Variants in CIAO2A observed in about 807,000 individuals in gnomAD.
CIAO2A encodes MIP18 family protein FAM96A.
CIAO2A carries 17 observed loss-of-function variants against 22.4 expected under a neutral mutation model. The ratio of observed to expected loss-of-function variants is 0.76; its 90% CI spans 0.52 to 1.14. The LOEUF (loss-of-function observed/expected upper bound fraction) is 1.14, where lower values mean the gene tolerates loss of function less well. CIAO2A is among the 50% of genes most tolerant of loss of function. The pLI, the probability that CIAO2A is intolerant of heterozygous loss-of-function variation, is 0.00. For missense variants in CIAO2A, 192 were observed against 191.4 expected (o/e 1.00, Z -0.02); for synonymous variants, 74 against 72.3 (o/e 1.02, Z -0.12).
At chr15:64,086,966 C>T (rs1399050201) in intron 2 of CIAO2A, among the ~76,000 whole-genome samples, 3 of 149,904 alleles carry the variant, frequency 2.0e-5, no homozygotes, top group Non-Finnish European at 4.4e-5. Flanking sequence ...GGTTGGTGTG[C>T]AATGGCATGA....
At chr15:64,083,951 AT>A (rs2140111424) in intron 2 of CIAO2A, among the ~76,000 whole-genome samples, 1 of 152,062 alleles carries the variant, frequency 6.6e-6, no homozygotes, top group South Asian at 2.1e-4. Context: ...TCAAAAAAAA[AT>A]AAAATAAAAT....
At chr15:64,077,220 C>T (rs2080725750) in intron 3 of CIAO2A, among the ~76,000 whole-genome samples, 1 of 152,170 alleles carries the variant, frequency 6.6e-6, no homozygotes, top group African/African-American at 2.4e-5. Context: ...ATCCCTTGAA[C>T]CCGGGAGGTG....
At chr15:64,073,328 A>G (rs910395664) in intron 4 of CIAO2A, among the ~76,000 whole-genome samples, 1 of 152,152 alleles carries the variant, frequency 6.6e-6, no homozygotes, top group South Asian at 2.1e-4. Flanking sequence ...TTTTTCCCCC[A>G]TAAGCCTATA....
At chr15:64,078,816 G>A (rs1175304120) in intron 3 of CIAO2A, among the ~76,000 whole-genome samples, 2 of 152,038 alleles carry the variant, frequency 1.3e-5, no homozygotes, top group Non-Finnish European at 2.9e-5. Flanking sequence ...AACCAAGGCG[G>A]GAGGACTGCT....
intron 2 of CIAO2A, among the ~76,000 whole-genome samples, chr15:64,087,140 G>A (rs8033914): frequency 0.014 from 1,882 of 130,326 alleles, 36 homozygotes; most frequent in African/African-American, 0.042. Flanking sequence ...TGCCCAGGCT[G>A]GAGTGCAGTG....
chr15:64,082,130 T>A (rs759563694), intron 2 of CIAO2A, among the ~76,000 whole-genome samples: 47 of 152,226 alleles, frequency 3.1e-4, no homozygotes, highest in Non-Finnish European at 6.2e-4. Context: ...GTTTTCTAAG[T>A]ACCATTTGGT....
At position 64,073,041 on chromosome 15, in the gene CIAO2A, C is replaced by T. The variant is rs772820719; in HGVS notation, c.386-13G>A. 9 of 1,586,264 alleles carry T rather than the reference C, an allele frequency of 5.7e-6. No individual in the cohort carries two copies. In the Admixed American group the frequency reaches 1.2e-4, roughly 21 times the overall value. Reference sequence around the variant, plus strand: ...ATCTGCTTATTGACTGAAAAATACACAGACAAAAGTTAGCAGAAGAACTGT... The same window carrying T: ...ATCTGCTTATTGACTGAAAAATACATAGACAAAAGTTAGCAGAAGAACTGT... On this transcript the variant is annotated splice_polypyrimidine_tract_variant and intron_variant, in intron 4 of 4. Transcript: ENST00000300030.
At chr15:64,089,452 T>TTGAGG (rs2080822361) in intron 1 of CIAO2A, among the ~76,000 whole-genome samples, 1 of 151,096 alleles carries the variant, frequency 6.6e-6, no homozygotes, top group Admixed American at 6.6e-5. Flanking sequence ...GAGGCAGAGG[T>TTGAGG]TGAGAGCGGA....
intron 2 of CIAO2A, among the ~76,000 whole-genome samples, chr15:64,081,952 T>TA (rs2080762020): frequency 1.3e-5 from 2 of 152,228 alleles, no homozygotes; most frequent in Non-Finnish European, 2.9e-5. Context: ...TGTAATCCTT[T>TA]ATGCCTGCAA....
chr15:64,074,207 T>C (rs2080698502), intron 4 of CIAO2A: 3 of 152,242 alleles, frequency 2.0e-5, no homozygotes, highest in African/African-American at 7.2e-5. Flanking sequence ...GAGAGACGAC[T>C]ATATTCTTAA....
intron 3 of CIAO2A, among the ~76,000 whole-genome samples, chr15:64,076,040 G>A (rs956952106): frequency 6.6e-6 from 1 of 151,868 alleles, no homozygotes; most frequent in African/African-American, 2.4e-5. Context: ...GGACTGAAAT[G>A]AGTAGGATTT....
intron 3 of CIAO2A, among the ~76,000 whole-genome samples, chr15:64,078,549 T>C (rs2080735873): frequency 6.6e-6 from 1 of 150,456 alleles, no homozygotes; most frequent in African/African-American, 2.5e-5. Flanking sequence ...GGCAGGATAA[T>C]CGCTTGAACC....
At position 64,093,812 on chromosome 15, in the gene CIAO2A, C is replaced by T. The variant is rs75061678; in HGVS notation, c.-44G>A. On this transcript the variant is annotated 5_prime_UTR_variant, in exon 1 of 5. Transcript: ENST00000300030. ...CTGGCGACTGTCCCAATCGCGCCAC[C>T]GTCTCTCAGCAGCCTCGGGATTGAT... 1.9e-3 allele frequency: 3,094 copies of T among 1,595,768 alleles called. 53 individuals are homozygous for T. In the African/African-American group the frequency reaches 0.035, roughly 18 times the overall value.
In CIAO2A at chr15:64,086,895, G is replaced by A. The variant is rs183170131; in HGVS notation, c.289+1792C>T. Among the ~76,000 whole-genome samples, 280 of 151,314 alleles carry A rather than the reference G, an allele frequency of 1.9e-3. 5 individuals carry two copies. The highest frequency in any genetic ancestry group is 2.4e-3 in the Non-Finnish European group (165 of 67,844). On this transcript the variant is annotated intron_variant, in intron 2 of 4. Coordinates refer to ENST00000300030, the MANE Select transcript of CIAO2A (RefSeq NM_032231.7). ...CCCAAAGTGCTGGGATTACAGGTGT[G>A]AGCCGCCATGCCAATGGGAATTTTT...
intron 1 of CIAO2A, among the ~76,000 whole-genome samples, chr15:64,091,824 CGA>C (rs1377970144): frequency 1.3e-5 from 2 of 151,832 alleles, no homozygotes; most frequent in Non-Finnish European, 2.9e-5. Context: ...TTTGGGAGGC[CGA>C]GACAGGCAAA....
At chr15:64,091,887 C>T (rs999104374) in intron 1 of CIAO2A, among the ~76,000 whole-genome samples, 2 of 151,734 alleles carry the variant, frequency 1.3e-5, no homozygotes, top group African/African-American at 4.8e-5. Flanking sequence ...AGCAAAACCT[C>T]ATCTCTACAA....
chr15:64,092,717 C>T (rs528297810), intron 1 of CIAO2A, among the ~76,000 whole-genome samples: 1 of 152,334 alleles, frequency 6.6e-6, no homozygotes, highest in South Asian at 2.1e-4. Flanking sequence ...ACCAAATTAG[C>T]TCCCAGAGTA....
At chr15:64,080,991 A>G in intron 3 of CIAO2A, 111 bp downstream of exon 3, 5 of 1,068,746 alleles carry the variant, frequency 4.7e-6, no homozygotes, top group Non-Finnish European at 6.7e-6. Flanking sequence ...ACAGACAAGC[A>G]AAAACCACTG....
intron 3 of CIAO2A, 81 bp downstream of exon 3, chr15:64,081,021 C>A (rs570726598): frequency 1.5e-6 from 2 of 1,344,246 alleles, no homozygotes; most frequent in Non-Finnish European, 2.1e-6. Context: ...ACTTTAAATA[C>A]GTGAATTGTG....
Sources: allele counts gnomAD v4.1 joint callset (sites outside exome capture counted in the v4.1 genomes callset), GRCh38; gene constraint gnomAD v4.1.1; transcripts MANE v1.5; gene names NCBI Gene and HGNC (gene_info 2026-07-23, HGNC 2026-07-21).